Variants in ADGRV1 observed in about 807,000 individuals in gnomAD.
The protein encoded by ADGRV1 is adhesion G protein-coupled receptor V1, also known as G-protein coupled receptor 98.
In ADGRV1, 359 loss-of-function variants were observed where a neutral mutation model predicts 596.2. That is an observed-to-expected ratio of 0.60 (90% confidence interval 0.55 to 0.66). The LOEUF is 0.66. ADGRV1 is among the 30% of genes least tolerant of loss of function. ADGRV1 has a pLI of 0.00. For synonymous variants in ADGRV1, 2,681 were observed against 2,679.2 expected (o/e 1.00, Z -0.02); for missense variants, 7,274 against 7,575.6 (o/e 0.96, Z 1.48).
At chr5:90,815,571 T>A in intron 74 of ADGRV1, 48 bp from the exon 75 acceptor site, 1 of 1,114,652 alleles carries the variant, frequency 9.0e-7, no homozygotes. Context: ...ATGGGAGGTC[T>A]TTTAAATAAT....
Position 90,629,470 on chromosome 5 carries a change from T to A in ADGRV1, c.1770T>A (p.Thr590=). 6.2e-7 allele frequency: 1 copy of A among 1,613,526 alleles called. No homozygotes were observed. Among genetic ancestry groups the A allele is most frequent in the East Asian group, 2.2e-5 (1 of 44,846 alleles). Residue 590 remains threonine, a synonymous_variant, in exon 9 of 90, where the codon ACT becomes ACA. Coordinates refer to ENST00000405460, the MANE Select transcript of ADGRV1 (RefSeq NM_032119.4). ...RNDLIFPEQK[T]QVTTKLPIRN... is the part of the protein sequence containing the mutation. ...ACCTCATTTTTCCAGAGCAAAAAAC[T>A]CAAGTCACTACAAAATTACCAATAA...
chr5:90,689,796 C>A, intron 29 of ADGRV1, 65 bp from the exon 30 acceptor site: 1 of 1,102,002 alleles, frequency 9.1e-7, no homozygotes, highest in Non-Finnish European at 1.3e-6. Flanking sequence ...ATAGTTTTTC[C>A]CTAGTATATG....
At chr5:90,866,768 C>T (rs62374004) in intron 83 of ADGRV1, among the ~76,000 whole-genome samples, 11,019 of 152,134 alleles carry the variant, frequency 0.072, 537 homozygotes, top group Non-Finnish European at 0.11. Flanking sequence ...AAATTAGCTT[C>T]ATCATTATAT....
chr5:90,873,269 C>T (rs56978823), intron 83 of ADGRV1, among the ~76,000 whole-genome samples: 2,444 of 152,264 alleles, frequency 0.016, 68 homozygotes, highest in African/African-American at 0.056. Flanking sequence ...TACCATCTTT[C>T]GGGAACATAC....
At chr5:90,717,505 G>C (rs1326654881) in intron 43 of ADGRV1, 2 of 141,514 alleles carry the variant, frequency 1.4e-5, no homozygotes, top group East Asian at 2.1e-4. Context: ...CGCAATCTAG[G>C]TTTACTGCAA....
chr5:91,103,703 C>T (rs529273617), intron 87 of ADGRV1, among the ~76,000 whole-genome samples: 27 of 152,066 alleles, frequency 1.8e-4, no homozygotes, highest in African/African-American at 5.8e-4. Context: ...TTTTTGAAGG[C>T]AGTATTTGCA....
At chr5:90,941,325 A>C (rs1286890060) in intron 83 of ADGRV1, among the ~76,000 whole-genome samples, 1 of 152,226 alleles carries the variant, frequency 6.6e-6, no homozygotes, top group African/African-American at 2.4e-5. Flanking sequence ...AAGTAAAGGC[A>C]GTCAAATTGA....
intron 59 of ADGRV1, among the ~76,000 whole-genome samples, chr5:90,770,219 G>C (rs1757545190): frequency 6.6e-6 from 1 of 152,192 alleles, no homozygotes; most frequent in Non-Finnish European, 1.5e-5. Flanking sequence ...AGGCAAGAGA[G>C]CGTGTGTAGG....
chr5:90,991,571 G>A (rs748567730), intron 85 of ADGRV1, among the ~76,000 whole-genome samples: 7 of 152,090 alleles, frequency 4.6e-5, no homozygotes, highest in Non-Finnish European at 8.8e-5. Context: ...GAGCCATCAT[G>A]TCCAGCCTAG....
At chr5:90,586,072 T>G (rs1368524858) in intron 1 of ADGRV1, among the ~76,000 whole-genome samples, 1 of 152,178 alleles carries the variant, frequency 6.6e-6, no homozygotes, top group African/African-American at 2.4e-5. Flanking sequence ...TAAATTTAAG[T>G]TAGAGCTTTG....
intron 82 of ADGRV1, among the ~76,000 whole-genome samples, chr5:90,859,194 C>T (rs1326105211): frequency 6.6e-6 from 1 of 152,088 alleles, no homozygotes; most frequent in African/African-American, 2.4e-5. Flanking sequence ...AGGCTGGTCT[C>T]TAAAACTTCT....
Position 90,811,093 on chromosome 5 carries a change from G to T in ADGRV1, c.15833G>T (p.Gly5278Val), listed in dbSNP as rs541825124. Residue 5278 changes from glycine to valine, a missense_variant, in exon 74 of 90, where the codon GGT (glycine) becomes GTT (valine). Physicochemically the swap from Gly to Val is moderately radical, Grantham distance 109. This residue lies in a region of ADGRV1 where 1,874 missense variants were observed against 1,970.2 expected (regional missense o/e 0.95). Coordinates refer to ENST00000405460, the MANE Select transcript of ADGRV1 (RefSeq NM_032119.4). ...GAACCAAATGCATTGCCCTTTCGTG[G>T]TATCTATGGGATTTCCAACCTAACA... ...QMEPNALPFRGIYGISNLTWA... is the reference protein window; with the variant it reads ...QMEPNALPFRVIYGISNLTWA... 3.6e-5 allele frequency: 58 copies of T among 1,613,762 alleles called. 1 individual carries two copies. The South Asian group carries it at 5.6e-4, about 16-fold the overall frequency.
chr5:90,600,349 C>G (rs576260715), intron 1 of ADGRV1, among the ~76,000 whole-genome samples: 36 of 152,274 alleles, frequency 2.4e-4, no homozygotes, highest in Non-Finnish European at 4.9e-4. Flanking sequence ...ATTCCCCACC[C>G]TGTGTCCAGT....
rs1054722979 is a variant in ADGRV1 at position 90,677,969 on chromosome 5, C to T, written c.5444-1580C>T. On this transcript the variant is annotated intron_variant, in intron 25 of 89. Coordinates refer to ENST00000405460, the MANE Select transcript of ADGRV1 (RefSeq NM_032119.4). ...TATAAAACTGATGAAACTGATGATT[C>T]TACATAAGGTAGCCACAACCTGAAT... Among the ~76,000 whole-genome samples, 11 of 152,174 alleles carry T rather than the reference C, an allele frequency of 7.2e-5. 1 individual carries two copies. The highest frequency in any genetic ancestry group is 2.9e-5 in the Non-Finnish European group (2 of 68,032).
Position 91,150,009 on chromosome 5 carries a change from CTTTT to C in ADGRV1, c.18433-8_18433-5del. On this transcript the variant is annotated splice_polypyrimidine_tract_variant and intron_variant, in intron 87 of 89. Coordinates refer to ENST00000405460, the MANE Select transcript of ADGRV1 (RefSeq NM_032119.4). ...GTTCTTTTTCTTTTTCTTTTCTTTTCTTTTTTTTTTTTTTTTGCAGGGACTTTAT... is the reference window on the plus strand; with the variant it reads ...GTTCTTTTTCTTTTTCTTTTCTTTTCTTTTTTTTTTTTGCAGGGACTTTAT... 73 of 1,287,556 alleles carry C rather than the reference CTTTT, an allele frequency of 5.7e-5. No individual in the cohort carries two copies. Among genetic ancestry groups the C allele is most frequent in the Middle Eastern group, 4.8e-4 (2 of 4,186 alleles). The allele number at this position is 1,287,556 out of a possible 1,614,324, so 79.8% of individuals were successfully genotyped here.
intron 1 of ADGRV1, among the ~76,000 whole-genome samples, chr5:90,569,387 A>ATTTTTTT (rs869133714): frequency 6.1e-5 from 1 of 16,374 alleles, no homozygotes; most frequent in Non-Finnish European, 1.0e-4. Flanking sequence ...ATATATATAT[A>ATTTTTTT]TTTTTTTTTT....
rs140367045 is a variant in ADGRV1, at chr5:91,120,133, C to T, written c.18432+17793C>T. 2.0e-5 allele frequency among the ~76,000 whole-genome samples: 3 copies of T among 152,302 alleles called. No homozygotes were observed. The East Asian group carries it at 5.8e-4, about 29-fold the overall frequency. ...CAGACGCTGCAAACTCCTTTGTCTA[C>T]AAAGGCTGGAAGCAGACTCGCCTGG... On this transcript the variant is annotated intron_variant, in intron 87 of 89. Transcript: ENST00000405460.
chr5:90,760,668 C>G (rs534326142), intron 58 of ADGRV1, among the ~76,000 whole-genome samples: 12 of 152,158 alleles, frequency 7.9e-5, no homozygotes, highest in Non-Finnish European at 1.3e-4. Context: ...AGTCACCCCC[C>G]ACCCAGCTCA....
At position 90,642,643 on chromosome 5, in the gene ADGRV1, G is replaced by A. The variant is rs780802447; in HGVS notation, c.2248G>A (p.Val750Met). 9.9e-6 allele frequency: 16 copies of A among 1,612,958 alleles called. No individual in the cohort carries two copies. Among genetic ancestry groups the A allele is most frequent in the African/African-American group, 9.4e-5 (7 of 74,852 alleles). ...TVTLSLDRVN[V>M]ENQVLKSGYT... Reference sequence around the variant, plus strand: ...TCTCTCTGACTTCTCTAGGGTTAACGTGGAAAACCAAGTGCTGAAATCTGG... The same window carrying A: ...TCTCTCTGACTTCTCTAGGGTTAACATGGAAAACCAAGTGCTGAAATCTGG... Residue 750 changes from valine (V) to methionine (M), a missense_variant, in exon 12 of 90, where the codon GTG (valine) becomes ATG (methionine). Val to Met is a conservative substitution (Grantham distance 21, BLOSUM62 1). Around this residue, in one of 5 missense-constraint regions of ADGRV1, gnomAD observed 1,715 missense variants for 1,708.8 expected, o/e 1.00. Coordinates refer to ENST00000405460, the MANE Select transcript of ADGRV1 (RefSeq NM_032119.4).
Sources: gnomAD v4.1 joint callset for allele counts (sites outside exome capture counted in the v4.1 genomes callset) on GRCh38, gnomAD v4.1.1 for gene constraint, gnomAD v4.1.1 regional missense constraint, MANE v1.5 for transcripts, NCBI Gene and HGNC (gene_info 2026-07-23, HGNC 2026-07-21) for gene names.